The following MECOM variants were observed in gnomAD, a reference collection of about 807,000 sequenced individuals.
MECOM encodes the protein histone-lysine N-methyltransferase MECOM.
In MECOM, 13 loss-of-function variants were observed where a neutral mutation model predicts 116.3. The ratio of observed to expected loss-of-function variants is 0.11; its 90% confidence interval spans 0.07 to 0.18. The LOEUF is 0.18. Ranked by LOEUF, MECOM falls within the 10% of genes least tolerant of loss-of-function variation. MECOM has a pLI of 1.00. For synonymous variants in MECOM, 528 were observed against 535.2 expected (o/e 0.99, Z 0.19); for missense variants, 1,299 against 1,509.0 (o/e 0.86, Z 2.31).
intron 2 of MECOM, among the ~76,000 whole-genome samples, chr3:169,300,174 A>G (rs1478069986): frequency 6.6e-5 from 10 of 152,226 alleles, no homozygotes; most frequent in Admixed American, 6.5e-4. Context: ...ATTGCCATGA[A>G]GTCATAACCT....
chr3:169,597,412 T>C (rs1436807782), intron 1 of MECOM, among the ~76,000 whole-genome samples: 1 of 152,120 alleles, frequency 6.6e-6, no homozygotes, highest in Non-Finnish European at 1.5e-5. Context: ...GGAAAGCTGC[T>C]CAGGAAAACC....
intron 1 of MECOM, among the ~76,000 whole-genome samples, chr3:169,488,912 T>G (rs1469641184): frequency 6.6e-6 from 1 of 151,410 alleles, no homozygotes; most frequent in Non-Finnish European, 1.5e-5. Context: ...TAGAAAAGGA[T>G]GAACAGAATT....
At chr3:169,514,198 A>C (rs751149998) in intron 1 of MECOM, among the ~76,000 whole-genome samples, 1 of 152,190 alleles carries the variant, frequency 6.6e-6, no homozygotes, top group African/African-American at 2.4e-5. Context: ...AATTCCTAAT[A>C]TGCTTACAAC....
In MECOM at chr3:169,482,150, G is replaced by GAA. The variant is rs149813618; in HGVS notation, c.38-100628_38-100627dup. ...TTACCTCCACCACGATCTTATTAGA[G>GAA]AAAAAAAAAGCAACTAAAAAAAAGG... On this transcript the variant is annotated intron_variant, in intron 1 of 16. Transcript: ENST00000651503. Among the ~76,000 whole-genome samples the GAA allele has an allele frequency of 1.3e-4, 20 of 149,244 alleles. 1 individual carries two copies. The highest frequency in any genetic ancestry group is 4.9e-4 in the African/African-American group (20 of 40,742).
chr3:169,535,579 G>A (rs1219456120), intron 1 of MECOM, among the ~76,000 whole-genome samples: 1 of 152,114 alleles, frequency 6.6e-6, no homozygotes, highest in African/African-American at 2.4e-5. Context: ...CTCTACCCTA[G>A]CCTTGTGGCA....
intron 1 of MECOM, among the ~76,000 whole-genome samples, chr3:169,608,746 AGCTTTT>A (rs1239805999): frequency 2.6e-5 from 4 of 152,256 alleles, no homozygotes; most frequent in African/African-American, 9.6e-5. Flanking sequence ...GATAAATGCA[AGCTTTT>A]CTTACTCATA....
intron 1 of MECOM, among the ~76,000 whole-genome samples, chr3:169,554,222 G>C (rs923221832): frequency 1.3e-5 from 2 of 152,136 alleles, no homozygotes; most frequent in Admixed American, 1.3e-4. Flanking sequence ...GACAAAGCCT[G>C]GGTCCCTGAA....
At chr3:169,146,495 C>A (rs1383552568) in intron 2 of MECOM, 1 of 1,381,242 alleles carries the variant, frequency 7.2e-7, no homozygotes, top group South Asian at 1.1e-5. Flanking sequence ...GGACGACCCA[C>A]CCCGGAGACG....
rs558559104 is a variant in MECOM, at chr3:169,645,084, A to G, written c.37+18252T>C. Among the ~76,000 whole-genome samples, 4 of 152,314 alleles carry G rather than the reference A, an allele frequency of 2.6e-5. 1 individual carries two copies. The East Asian group carries it at 7.7e-4, about 29-fold the overall frequency. ...AGGAACACAGACCAAATGTACACTC[A>G]GGTGCAACTGAACATACCTAGGCTG... On this transcript the variant is annotated intron_variant, in intron 1 of 16. Transcript: ENST00000651503.
At chr3:169,272,049 A>G (rs1759010698) in intron 2 of MECOM, among the ~76,000 whole-genome samples, 1 of 152,142 alleles carries the variant, frequency 6.6e-6, no homozygotes, top group Non-Finnish European at 1.5e-5. Context: ...CTGTGATGCA[A>G]ATTTCTAAAA....
intron 1 of MECOM, among the ~76,000 whole-genome samples, chr3:169,401,492 C>T (rs1376597464): frequency 1.3e-5 from 2 of 152,226 alleles, no homozygotes; most frequent in Non-Finnish European, 2.9e-5. Flanking sequence ...TTCTTGGCTT[C>T]ACAGAGCAAC....
chr3:169,322,929 G>A (rs1424891798), intron 2 of MECOM, among the ~76,000 whole-genome samples: 1 of 147,628 alleles, frequency 6.8e-6, no homozygotes, highest in Non-Finnish European at 1.5e-5. Context: ...ACCCGGGGGG[G>A]GCAGAGTTTG....
rs9845048 is a variant in MECOM at position 169,624,758 on chromosome 3, C to T, written c.37+38578G>A. On this transcript the variant is annotated intron_variant, in intron 1 of 16. Transcript: ENST00000651503. ...GTGAACATGGAACTGTTTTCCCAGA[C>T]CAAACATGGACCCTCCCTCGAGGTA... Among the ~76,000 whole-genome samples the T allele has an allele frequency of 4.9e-3, 746 of 152,278 alleles. 5 individuals carry two copies. Among genetic ancestry groups the T allele is most frequent in the African/African-American group, 0.017 (691 of 41,544 alleles).
chr3:169,619,319 C>A (rs919013094), intron 1 of MECOM, among the ~76,000 whole-genome samples: 3 of 152,172 alleles, frequency 2.0e-5, no homozygotes, highest in Non-Finnish European at 4.4e-5. Flanking sequence ...GCCCATAAAT[C>A]AACCGCAACA....
intron 2 of MECOM, among the ~76,000 whole-genome samples, chr3:169,315,341 G>C (rs950226446): frequency 1.3e-4 from 20 of 152,140 alleles, no homozygotes; most frequent in African/African-American, 4.1e-4. Context: ...GTCCTGTTTG[G>C]CTCTTTTCAC....
chr3:169,575,609 C>T (rs554934574), intron 1 of MECOM, among the ~76,000 whole-genome samples: 89 of 152,334 alleles, frequency 5.8e-4, no homozygotes, highest in Non-Finnish European at 8.1e-4. Flanking sequence ...AACACCTCCA[C>T]ACTGGACTTA....
intron 1 of MECOM, among the ~76,000 whole-genome samples, chr3:169,443,634 A>C (rs1226395571): frequency 6.6e-6 from 1 of 152,140 alleles, no homozygotes; most frequent in African/African-American, 2.4e-5. Flanking sequence ...CCTCCATCTT[A>C]TCCAATCCCA....
chr3:169,284,570 C>T (rs997821829), intron 2 of MECOM, among the ~76,000 whole-genome samples: 8 of 150,394 alleles, frequency 5.3e-5, no homozygotes, highest in Non-Finnish European at 1.0e-4. Flanking sequence ...AGTATATGAG[C>T]GCACACACAC....
chr3:169,472,578 G>GAA (rs1560318449), intron 1 of MECOM, among the ~76,000 whole-genome samples: 6 of 74,476 alleles, frequency 8.1e-5, no homozygotes, highest in African/African-American at 4.7e-4. Flanking sequence ...GAGAGGAGAG[G>GAA]AGAGGAAAGG....
Sources: allele counts gnomAD v4.1 joint callset (sites outside exome capture counted in the v4.1 genomes callset), GRCh38; gene constraint gnomAD v4.1.1; transcripts MANE v1.5; gene names NCBI Gene and HGNC (gene_info 2026-07-23, HGNC 2026-07-21).